Variants in STK3 observed in about 807,000 individuals in gnomAD.
STK3 encodes the protein serine/threonine-protein kinase 3.
A neutral mutation model predicts 58.0 loss-of-function variants in STK3; 41 were observed. That is an observed-to-expected ratio of 0.71 (90% CI 0.55 to 0.92). The LOEUF is 0.92. Among genes scored for constraint, STK3 ranks in the 40% least tolerant of loss-of-function variants. STK3 has a pLI of 0.00. For synonymous variants in STK3, 170 were observed against 191.0 expected (o/e 0.89, Z 0.91); for missense variants, 479 against 602.7 (o/e 0.79, Z 2.15).
chr8:98,923,842 T>C (rs975050266), intron 1 of STK3, among the ~76,000 whole-genome samples: 13 of 119,458 alleles, frequency 1.1e-4, no homozygotes, highest in Non-Finnish European at 2.2e-4. Flanking sequence ...TGTGTGTGTG[T>C]GTGTGTGTGT....
At chr8:98,815,599 G>A (rs1272513449) in intron 1 of STK3, among the ~76,000 whole-genome samples, 2 of 152,122 alleles carry the variant, frequency 1.3e-5, no homozygotes, top group Non-Finnish European at 2.9e-5. Context: ...GACAATTTGC[G>A]CTTCAGTGAA....
intron 6 of STK3, among the ~76,000 whole-genome samples, chr8:98,683,234 TAAGTAA>T (rs1009664748): frequency 1.3e-4 from 20 of 152,070 alleles, no homozygotes; most frequent in African/African-American, 4.8e-4. Flanking sequence ...TAAATTGTGC[TAAGTAA>T]AAGTTTGAAA....
the STK3 span, among the ~76,000 whole-genome samples, chr8:98,360,071 A>G: frequency 1.3e-5 from 2 of 152,298 alleles, no homozygotes; most frequent in Admixed American, 6.5e-5. Flanking sequence ...ATAAACTGGG[A>G]CATATGGTCT....
chr8:98,799,390 CAG>C (rs987372511), intron 1 of STK3, among the ~76,000 whole-genome samples: 2 of 151,470 alleles, frequency 1.3e-5, no homozygotes, highest in African/African-American at 2.4e-5. Flanking sequence ...CAGAGAGACA[CAG>C]GGGAAGAGAC....
intron 1 of STK3, among the ~76,000 whole-genome samples, chr8:98,798,281 C>A (rs1833307066): frequency 6.6e-6 from 1 of 152,168 alleles, no homozygotes; most frequent in African/African-American, 2.4e-5. Flanking sequence ...CGAGAATTTT[C>A]TATATTTCTA....
chr8:98,589,452 C>G (rs1205562762), intron 7 of STK3, among the ~76,000 whole-genome samples: 1 of 152,224 alleles, frequency 6.6e-6, no homozygotes, highest in African/African-American at 2.4e-5. Flanking sequence ...GCAGTCTGCC[C>G]CTTCTCAGAT....
At chr8:98,673,367 A>T (rs1822966027) in intron 6 of STK3, among the ~76,000 whole-genome samples, 1 of 152,202 alleles carries the variant, frequency 6.6e-6, no homozygotes, top group African/African-American at 2.4e-5. Flanking sequence ...TAGTACTAAC[A>T]CCCACAAAAT....
intron 1 of STK3, among the ~76,000 whole-genome samples, chr8:98,823,825 C>G (rs766226136): frequency 6.6e-6 from 1 of 152,128 alleles, no homozygotes; most frequent in Non-Finnish European, 1.5e-5. Flanking sequence ...TAATAAGTAG[C>G]AGAGCCAGGA....
intron 6 of STK3, among the ~76,000 whole-genome samples, chr8:98,622,231 T>C (rs1056443386): frequency 6.6e-6 from 1 of 151,524 alleles, no homozygotes; most frequent in African/African-American, 2.4e-5. Context: ...ATTGCGCCAC[T>C]GCACTCCAGC....
At chr8:98,661,030 G>C (rs1821927813) in intron 6 of STK3, among the ~76,000 whole-genome samples, 1 of 151,382 alleles carries the variant, frequency 6.6e-6, no homozygotes, top group African/African-American at 2.5e-5. Context: ...ATGAAATCAA[G>C]AGTACAGCAA....
At chr8:98,876,945 G>T (rs1291349540) in intron 3 of STK3, among the ~76,000 whole-genome samples, 2 of 152,192 alleles carry the variant, frequency 1.3e-5, no homozygotes, top group African/African-American at 4.8e-5. Flanking sequence ...CCAACTCCTT[G>T]CAGAAAAGAT....
chr8:98,533,026 T>C lies in STK3; in HGVS notation c.1142-6109A>G, dbSNP rs1239703434. Among the ~76,000 whole-genome samples, 3 of 152,306 alleles carry C rather than the reference T, an allele frequency of 2.0e-5. No individual in the cohort carries two copies. In the East Asian group the frequency reaches 5.8e-4, roughly 29 times the overall value. ...AGGTTCATTCATGTTGTGGCATGTG[T>C]CAGCATTTCCTTCCTTTTCAAGAAT... On this transcript the variant is annotated intron_variant, in intron 9 of 10. Transcript: ENST00000419617.
the STK3 span, among the ~76,000 whole-genome samples, chr8:98,353,014 GA>G: frequency 6.6e-6 from 1 of 152,202 alleles, no homozygotes; most frequent in African/African-American, 2.4e-5. Context: ...TATACATTCA[GA>G]GTCAGGAATG....
intron 1 of STK3, among the ~76,000 whole-genome samples, chr8:98,938,084 A>T (rs1212150363): frequency 3.3e-5 from 5 of 152,228 alleles, no homozygotes; most frequent in Non-Finnish European, 7.3e-5. Flanking sequence ...TATGGTCAGT[A>T]TGAAAATTCA....
At chr8:98,751,169 A>C (rs1829951409) in intron 3 of STK3, among the ~76,000 whole-genome samples, 1 of 152,210 alleles carries the variant, frequency 6.6e-6, no homozygotes. Context: ...CATAAGCTGG[A>C]AGCATTCCCC....
intron 4 of STK3, among the ~76,000 whole-genome samples, chr8:98,732,383 A>G (rs1828273591): frequency 6.6e-6 from 1 of 152,200 alleles, no homozygotes; most frequent in East Asian, 1.9e-4. Context: ...AGAGGGGGAA[A>G]AAACCTACAA....
intron 1 of STK3, among the ~76,000 whole-genome samples, chr8:98,919,035 G>A (rs1278764600): frequency 6.6e-6 from 1 of 151,986 alleles, no homozygotes; most frequent in Non-Finnish European, 1.5e-5. Flanking sequence ...TTGTAATAAG[G>A]CAAAGAAGTA....
At chr8:98,403,113 C>T (rs1817960265) in intron 3 of STK3, among the ~76,000 whole-genome samples, 1 of 152,262 alleles carries the variant, frequency 6.6e-6, no homozygotes, top group Non-Finnish European at 1.5e-5. Context: ...CCCCACCACA[C>T]AACCACACTC....
intron 8 of STK3, among the ~76,000 whole-genome samples, chr8:98,562,741 A>AG (rs1812156270): frequency 1.5e-5 from 2 of 131,138 alleles, no homozygotes; most frequent in African/African-American, 5.5e-5. Flanking sequence ...AAAAATGAAA[A>AG]AAAAAAAAAA....
Sources: gnomAD v4.1 joint callset for allele counts (sites outside exome capture counted in the v4.1 genomes callset) on GRCh38, gnomAD v4.1.1 for gene constraint, MANE v1.5 for transcripts, NCBI Gene and HGNC (gene_info 2026-07-23, HGNC 2026-07-21) for gene names.